Variants in COMT observed in about 807,000 individuals in gnomAD.
The protein encoded by COMT is catechol-O-methyltransferase.
Under a neutral mutation model 18.9 loss-of-function variants are expected in COMT, and 13 were observed. The ratio of observed to expected loss-of-function variants is 0.69; its 90% CI spans 0.45 to 1.09. The LOEUF (loss-of-function observed/expected upper bound fraction) is 1.09, where lower values mean the gene tolerates loss of function less well. Among genes scored for constraint, COMT ranks in the 50% least tolerant of loss-of-function variants. The pLI is 0.00. For missense variants in COMT, 329 were observed against 361.8 expected, an observed-to-expected ratio of 0.91 and a Z score of 0.73; for synonymous variants, 150 against 160.9, an observed-to-expected ratio of 0.93 and a Z score of 0.51.
At chr22:19,953,356 T>C (rs950113819) in intron 1 of COMT, among the ~76,000 whole-genome samples, 2 of 152,128 alleles carry the variant, frequency 1.3e-5, no homozygotes, top group African/African-American at 2.4e-5. Context: ...AGTGGCACTA[T>C]CTCCACTCAC....
Position 19,969,659 on chromosome 22 carries a change from C to A in COMT, c.*923C>A. 1 of 188,534 alleles carries A rather than the reference C, an allele frequency of 5.3e-6. No individual in the cohort carries two copies. The highest frequency in any genetic ancestry group is 9.9e-6 in the Non-Finnish European group (1 of 101,340). 11.7% of individuals were successfully genotyped at this position (188,534 alleles called of 1,614,324 possible). ...ACCAGCCCCTAGCCAAGATTCTACTCCTGGGCTCAAGGCCTGGCTAGCCCC... is the reference window on the plus strand; with the variant it reads ...ACCAGCCCCTAGCCAAGATTCTACTACTGGGCTCAAGGCCTGGCTAGCCCC... On this transcript the variant is annotated 3_prime_UTR_variant, in exon 6 of 6. Transcript: ENST00000361682.
At chr22:19,957,020 G>A (rs1447769106) in intron 1 of COMT, among the ~76,000 whole-genome samples, 1 of 149,106 alleles carries the variant, frequency 6.7e-6, no homozygotes, top group Non-Finnish European at 1.5e-5. Context: ...GCGTGATCTC[G>A]GCTCACTGCA....
At chr22:19,964,644 C>T (rs1005172275) in intron 5 of COMT, 42 of 592,908 alleles carry the variant, frequency 7.1e-5, no homozygotes, top group African/African-American at 5.6e-4. Context: ...GGGGAAGGGC[C>T]GCTCTGGGCC....
At chr22:19,942,367 G>A (rs56901835) in intron 1 of COMT, among the ~76,000 whole-genome samples, 117 of 152,226 alleles carry the variant, frequency 7.7e-4, no homozygotes, top group African/African-American at 2.4e-3. Flanking sequence ...TGGAGCCCCA[G>A]ACTCAGAGGG....
At chr22:19,963,858 G>A (rs1328452054) in intron 4 of COMT, 99 bp downstream of exon 4, 4 of 1,428,906 alleles carry the variant, frequency 2.8e-6, no homozygotes, top group African/African-American at 1.4e-5. Context: ...TTCACACCAC[G>A]TTCACTGAAA....
rs9332319 is a variant in COMT at position 19,945,172 on chromosome 22, C to A, written c.-92+3275C>A. 5.3e-3 allele frequency among the ~76,000 whole-genome samples: 804 copies of A among 152,308 alleles called. 6 individuals carry two copies. The highest frequency in any genetic ancestry group is 0.018 in the African/African-American group (767 of 41,570). On this transcript the variant is annotated intron_variant, in intron 1 of 5. Coordinates refer to ENST00000361682, the MANE Select transcript of COMT (RefSeq NM_000754.4). ...AGAACTTCCAACCAGACTTCACCTG[C>A]AGTGTCTATAGATTTGGGTGAATTC... is the stretch of plus-strand genomic sequence containing the variant.
At chr22:19,960,716 C>T (rs1156360199) in intron 1 of COMT, among the ~76,000 whole-genome samples, 1 of 152,276 alleles carries the variant, frequency 6.6e-6, no homozygotes, top group Non-Finnish European at 1.5e-5. Context: ...GCTCGGGGCT[C>T]TGGCCTTTGG....
intron 3 of COMT, 114 bp downstream of exon 3, chr22:19,962,929 G>T (rs972188532): frequency 2.9e-6 from 4 of 1,364,088 alleles, no homozygotes; most frequent in Middle Eastern, 5.1e-4. Context: ...GGGAACCCTG[G>T]GATATGCCCA....
chr22:19,968,744 C>CT lies in COMT; in HGVS notation c.*8_*9insT, dbSNP rs752735911. 11 of 1,608,700 alleles carry CT rather than the reference C, an allele frequency of 6.8e-6. No homozygotes were observed. Among genetic ancestry groups the CT allele is most frequent in the East Asian group, 2.2e-5 (1 of 44,844 alleles). On this transcript the variant is annotated 3_prime_UTR_variant, in exon 6 of 6. Transcript: ENST00000361682. ...AGCGAAGCAGGGCCCTGACTGCCCC[C>CT]CCGGCCCCCCTCTCGGGCTCTCTCA...
chr22:19,948,878 C>A, intron 1 of COMT, among the ~76,000 whole-genome samples: 1 of 143,416 alleles, frequency 7.0e-6, no homozygotes, highest in Non-Finnish European at 1.5e-5. Context: ...TTGCTTAAGC[C>A]TGGGAGGCAG....
rs1942012517 is a variant in COMT at position 19,954,242 on chromosome 22, G to A, written c.-91-6957G>A. On this transcript the variant is annotated intron_variant, in intron 1 of 5. Transcript: ENST00000361682. ...TCAAAAAAAAAAAAAGCCTTCCCCT[G>A]AGCCTGGGGGCCTGGCCCCACTGAG... Among the ~76,000 whole-genome samples the A allele has an allele frequency of 2.4e-5, 3 of 126,836 alleles. No individual in the cohort carries two copies. The Admixed American group carries it at 2.4e-4, about 10-fold the overall frequency. The allele number at this position is 126,836 out of a possible 152,430, so 83.2% of individuals were successfully genotyped here.
chr22:19,957,173 A>C (rs1942083412), intron 1 of COMT, among the ~76,000 whole-genome samples: 1 of 151,954 alleles, frequency 6.6e-6, no homozygotes, highest in East Asian at 1.9e-4. Flanking sequence ...GATGGTCTCG[A>C]TCTCCTGACC....
chr22:19,964,046 A>G (rs1265215816), intron 4 of COMT, 122 bp from the exon 5 acceptor site: 1 of 1,568,668 alleles, frequency 6.4e-7, no homozygotes, highest in Non-Finnish European at 8.8e-7. Context: ...GAATGCTTGT[A>G]TGGGTGTGTA....
At chr22:19,955,200 T>A (rs1040023971) in intron 1 of COMT, among the ~76,000 whole-genome samples, 1 of 152,176 alleles carries the variant, frequency 6.6e-6, no homozygotes, top group Non-Finnish European at 1.5e-5. Flanking sequence ...AAACTTCTGG[T>A]CATTCCTTTA....
rs551937723 is a variant in COMT at position 19,969,314 on chromosome 22, G to A, written c.*578G>A. The A allele has an allele frequency of 5.8e-4, 90 of 154,350 alleles. 1 individual carries two copies. The South Asian group carries it at 0.01, about 18-fold the overall frequency. 9.6% of individuals were successfully genotyped at this position (154,350 alleles called of 1,614,324 possible). ...TTCACACCTTTCTGACCAAGCAGGCGCTGGGGACAGGTGGACCCCGCAGCA... is the reference window on the plus strand; with the variant it reads ...TTCACACCTTTCTGACCAAGCAGGCACTGGGGACAGGTGGACCCCGCAGCA... On this transcript the variant is annotated 3_prime_UTR_variant, in exon 6 of 6. Coordinates refer to ENST00000361682, the MANE Select transcript of COMT (RefSeq NM_000754.4).
chr22:19,943,231 A>G (rs941614224), intron 1 of COMT, among the ~76,000 whole-genome samples: 19 of 152,174 alleles, frequency 1.2e-4, no homozygotes, highest in African/African-American at 4.3e-4. Flanking sequence ...TTTCCTCTCA[A>G]CAGTCCCCGT....
At position 19,968,602 on chromosome 22, in the gene COMT, G is replaced by C. The variant is rs773064787; in HGVS notation, c.682G>C (p.Asp228His). The C allele has an allele frequency of 1.4e-5, 22 of 1,613,962 alleles. No individual in the cohort carries two copies. The highest frequency in any genetic ancestry group is 1.8e-5 in the Non-Finnish European group (21 of 1,180,012). ...CAACGTGATCTGCCCAGGTGCGCCA[G>C]ACTTCCTAGCACACGTGCGCGGGAG... is the stretch of plus-strand genomic sequence containing the variant. ...ADNVICPGAP[D>H]FLAHVRGSSC... Residue 228 changes from aspartate to histidine, a missense_variant, in exon 6 of 6, where the codon GAC becomes CAC. By Grantham distance (81) the Asp-to-His change is moderately conservative (BLOSUM62 -1). Coordinates refer to ENST00000361682, the MANE Select transcript of COMT (RefSeq NM_000754.4).
At chr22:19,948,112 T>C (rs1057194580) in intron 1 of COMT, among the ~76,000 whole-genome samples, 4 of 152,250 alleles carry the variant, frequency 2.6e-5, no homozygotes, top group Non-Finnish European at 5.9e-5. Context: ...TGATTAACAA[T>C]ATTCATATAT....
rs1435232211 is a variant in COMT at position 19,969,337 on chromosome 22, G to C, written c.*601G>C. The C allele has an allele frequency of 6.5e-6, 1 of 153,810 alleles. No individual in the cohort carries two copies. The highest frequency in any genetic ancestry group is 6.4e-5 in the Admixed American group (1 of 15,536). 9.5% of individuals were successfully genotyped at this position (153,810 alleles called of 1,614,324 possible). A position where few individuals can be genotyped will look rare whatever the true frequency, so the allele number is the denominator to read the frequency against. On this transcript the variant is annotated 3_prime_UTR_variant, in exon 6 of 6. Transcript: ENST00000361682. ...GCGCTGGGGACAGGTGGACCCCGCA[G>C]CAGCACCAGCCCCTCTGGGCCCCAT...
Sources: allele counts gnomAD v4.1 joint callset (sites outside exome capture counted in the v4.1 genomes callset), GRCh38; gene constraint gnomAD v4.1.1; transcripts MANE v1.5; gene names NCBI Gene and HGNC (gene_info 2026-07-23, HGNC 2026-07-21).